EHBP1: variants seen among roughly 807,000 people sequenced by gnomAD.
EHBP1 encodes the protein EH domain-binding protein 1.
A neutral mutation model predicts 144.0 loss-of-function variants in EHBP1; 55 were observed. The observed-to-expected ratio is 0.38, with a 90% CI of 0.31 to 0.48. EHBP1 has a LOEUF of 0.48. Ranked by LOEUF, EHBP1 falls within the 20% of genes least tolerant of loss-of-function variation. EHBP1 has a pLI of 0.98. For synonymous variants in EHBP1, 469 were observed against 472.7 expected (o/e 0.99, Z 0.10); for missense variants, 1,200 against 1,364.2 (o/e 0.88, Z 1.90).
At chr2:62,732,701 A>G (rs142042121) in intron 2 of EHBP1, among the ~76,000 whole-genome samples, 37 of 152,364 alleles carry the variant, frequency 2.4e-4, no homozygotes, top group Non-Finnish European at 4.6e-4. Flanking sequence ...CTGTGGAACC[A>G]TGCGCCAATT....
intron 7 of EHBP1, among the ~76,000 whole-genome samples, chr2:62,855,045 G>C (rs1200927498): frequency 2.0e-5 from 3 of 152,214 alleles, no homozygotes; most frequent in Non-Finnish European, 1.5e-5. Context: ...CCACTGCAGG[G>C]AGCAGGCAGG....
intron 1 of EHBP1, among the ~76,000 whole-genome samples, chr2:62,684,394 T>C (rs2033647265): frequency 6.6e-6 from 1 of 152,118 alleles, no homozygotes; most frequent in East Asian, 1.9e-4. Flanking sequence ...ATTTTGGAGA[T>C]GAGTGAATAG....
At chr2:63,006,672 TAA>T (rs1308907299) in intron 19 of EHBP1, among the ~76,000 whole-genome samples, 1 of 151,982 alleles carries the variant, frequency 6.6e-6, no homozygotes, top group South Asian at 2.1e-4. Context: ...TCTTAAAAGA[TAA>T]GTGTTATTTA....
At chr2:62,834,963 ATT>A (rs963566079) in intron 7 of EHBP1, among the ~76,000 whole-genome samples, 1 of 152,050 alleles carries the variant, frequency 6.6e-6, no homozygotes, top group Admixed American at 6.6e-5. Flanking sequence ...TTTATAGTTT[ATT>A]TTTTTAAAGA....
chr2:62,862,062 T>G (rs377695696), intron 8 of EHBP1, among the ~76,000 whole-genome samples: 3 of 152,182 alleles, frequency 2.0e-5, no homozygotes, highest in East Asian at 3.9e-4. Context: ...ATTATAAAGA[T>G]TCTAGTGGTG....
At chr2:62,842,423 G>T (rs756263723) in intron 7 of EHBP1, among the ~76,000 whole-genome samples, 1 of 152,072 alleles carries the variant, frequency 6.6e-6, no homozygotes, top group Non-Finnish European at 1.5e-5. Context: ...TTATCCACGA[G>T]GGCAGATCCC....
chr2:62,904,791 T>C (rs1160948141), intron 10 of EHBP1, among the ~76,000 whole-genome samples: 1 of 152,166 alleles, frequency 6.6e-6, no homozygotes, highest in South Asian at 2.1e-4. Flanking sequence ...GTTTTTTCTT[T>C]TTTTGCGGGG....
At chr2:62,895,404 C>A (rs1334464498) in intron 10 of EHBP1, among the ~76,000 whole-genome samples, 2 of 152,086 alleles carry the variant, frequency 1.3e-5, no homozygotes, top group African/African-American at 4.8e-5. Flanking sequence ...TCTTAACATT[C>A]CTATCTTCTT....
At chr2:62,971,815 A>C (rs964435320) in intron 14 of EHBP1, among the ~76,000 whole-genome samples, 1 of 152,144 alleles carries the variant, frequency 6.6e-6, no homozygotes, top group African/African-American at 2.4e-5. Context: ...ATAGGGAGGG[A>C]GACCTCCCAA....
intron 9 of EHBP1, among the ~76,000 whole-genome samples, chr2:62,871,047 A>T (rs2050441475): frequency 6.6e-6 from 1 of 152,116 alleles, no homozygotes; most frequent in Non-Finnish European, 1.5e-5. Flanking sequence ...CACTTGGTAA[A>T]GTTATTGTGT....
intron 7 of EHBP1, among the ~76,000 whole-genome samples, chr2:62,836,435 C>T (rs2047263130): frequency 7.1e-6 from 1 of 140,108 alleles, no homozygotes; most frequent in Non-Finnish European, 1.6e-5. Flanking sequence ...CGCAGAGCGT[C>T]TCTCCTCCTC....
intron 19 of EHBP1, among the ~76,000 whole-genome samples, chr2:63,021,169 C>T (rs1442993428): frequency 1.3e-5 from 2 of 151,580 alleles, no homozygotes; most frequent in Non-Finnish European, 2.9e-5. Flanking sequence ...ATACACATCT[C>T]GTTCTATCAT....
chr2:62,904,881 G>A (rs890612438), intron 10 of EHBP1, among the ~76,000 whole-genome samples: 2 of 152,152 alleles, frequency 1.3e-5, no homozygotes, highest in African/African-American at 4.8e-5. Flanking sequence ...TGTGGATAGA[G>A]TAGTAAACAA....
chr2:62,848,492 T>C (rs920402124), intron 7 of EHBP1, among the ~76,000 whole-genome samples: 23 of 152,206 alleles, frequency 1.5e-4, no homozygotes, highest in Non-Finnish European at 2.2e-4. Flanking sequence ...AAGATATTCA[T>C]AGCAATTTAT....
chr2:62,708,130 A>G (rs1181552582), intron 2 of EHBP1, among the ~76,000 whole-genome samples: 35 of 152,222 alleles, frequency 2.3e-4, no homozygotes, highest in Admixed American at 2.3e-3. Flanking sequence ...AAGGACTGTA[A>G]TTCAGGTCTG....
chr2:62,700,750 A>G (rs1322702418), upstream of EHBP1, among the ~76,000 whole-genome samples: 3 of 152,216 alleles, frequency 2.0e-5, no homozygotes, highest in Non-Finnish European at 2.9e-5. Flanking sequence ...TTCTTCAGTG[A>G]CACTAGCCAC....
intron 7 of EHBP1, among the ~76,000 whole-genome samples, chr2:62,836,807 TG>T (rs1454109608): frequency 2.0e-5 from 3 of 149,606 alleles, no homozygotes. Flanking sequence ...TAAAAAGAAA[TG>T]AGCAAAGCCT....
rs180751430 is a variant in EHBP1, at chr2:63,028,651, C to G, written c.3104-8884C>G. On this transcript the variant is annotated intron_variant, in intron 19 of 22. Coordinates refer to ENST00000431489, the MANE Select transcript of EHBP1 (RefSeq NM_001142616.3). ...CTGCATGATACATCTTTGGAGAAAC[C>G]CTTTATTGGAAGGAACCTATCTGGA... is the stretch of plus-strand genomic sequence containing the variant. Among the ~76,000 whole-genome samples, 427 of 152,114 alleles carry G rather than the reference C, an allele frequency of 2.8e-3. 5 individuals carry two copies. The highest frequency in any genetic ancestry group is 1.2e-3 in the Non-Finnish European group (82 of 68,004).
intron 5 of EHBP1, among the ~76,000 whole-genome samples, chr2:62,796,932 CAT>C (rs985091374): frequency 6.6e-6 from 1 of 151,844 alleles, no homozygotes; most frequent in African/African-American, 2.4e-5. Context: ...AACACACACA[CAT>C]ATACACTGTT....
Sources: allele counts gnomAD v4.1 joint callset (sites outside exome capture counted in the v4.1 genomes callset), GRCh38; gene constraint gnomAD v4.1.1; transcripts MANE v1.5; gene names NCBI Gene and HGNC (gene_info 2026-07-23, HGNC 2026-07-21).